GOLGA8A: variants seen among roughly 807,000 people sequenced by gnomAD.
GOLGA8A encodes the protein golgin subfamily A member 8A.
GOLGA8A carries 3 observed loss-of-function variants against 22.1 expected under a neutral mutation model. The observed-to-expected ratio is 0.14, with a 90% confidence interval of 0.06 to 0.35. The LOEUF (loss-of-function observed/expected upper bound fraction) is 0.35. Among genes scored for constraint, GOLGA8A ranks in the 10% least tolerant of loss-of-function variants. The pLI is 1.00. For missense variants in GOLGA8A, 16 were observed against 233.2 expected, an observed-to-expected ratio of 0.07 and a Z score of 6.07; for synonymous variants, 7 against 91.7, an observed-to-expected ratio of 0.08 and a Z score of 5.28.
chr15:34,415,882 G>GCC (rs1892553430), intron 2 of GOLGA8A: 1 of 98,768 alleles, frequency 1.0e-5, no homozygotes, highest in Non-Finnish European at 2.0e-5. Context: ...AGCTGCAGTG[G>GCC]AACGTCTGAG....
chr15:34,425,128 G>A lies in GOLGA8A; in HGVS notation c.-1123+10255C>T, dbSNP rs140863297. Among the ~76,000 whole-genome samples, 216 of 144,854 alleles carry A rather than the reference G, an allele frequency of 1.5e-3. 22 individuals carry two copies. The highest frequency in any genetic ancestry group is 5.1e-3 in the African/African-American group (204 of 39,908). On this transcript the variant is annotated intron_variant, in intron 2 of 24. Coordinates refer to ENST00000359187, the MANE Select transcript of GOLGA8A (RefSeq NM_181077.5). ...ATAAAATAAGGCTTATCTATTCAAAGGAATATAGGAGAAAGGTTGGCGGAG... is the reference window on the plus strand; with the variant it reads ...ATAAAATAAGGCTTATCTATTCAAAAGAATATAGGAGAAAGGTTGGCGGAG...
In GOLGA8A at chr15:34,427,019, T is replaced by TA. The variant is rs1396643012; in HGVS notation, c.-1123+8363dup. Among the ~76,000 whole-genome samples, 5 of 147,174 alleles carry TA rather than the reference T, an allele frequency of 3.4e-5. No homozygotes were observed. In the Admixed American group the frequency reaches 3.5e-4, roughly 10 times the overall value. On this transcript the variant is annotated intron_variant, in intron 2 of 24. Coordinates refer to ENST00000359187, the MANE Select transcript of GOLGA8A (RefSeq NM_181077.5). The stretch of plus-strand genomic sequence containing the variant: ...CTCAGTATTGGAGAATAAAACAAAA[T>TA]AGACAAGCACTTTAAAATTCACCAG...
In GOLGA8A at chr15:34,429,092, C is replaced by T. The variant is rs552054865; in HGVS notation, c.-1123+6291G>A. The stretch of plus-strand genomic sequence containing the variant: ...CGTCCTCACTGCACCCCTCCCCACC[C>T]CATGTCACATCTTCTGCTCATACCT... On this transcript the variant is annotated intron_variant, in intron 2 of 24. Coordinates refer to ENST00000359187, the MANE Select transcript of GOLGA8A (RefSeq NM_181077.5). 1.1e-4 allele frequency among the ~76,000 whole-genome samples: 16 copies of T among 145,228 alleles called. 2 individuals are homozygous for T. Among genetic ancestry groups the T allele is most frequent in the Non-Finnish European group, 2.0e-4 (13 of 65,786 alleles).
chr15:34,408,313 TCCACACACA>T (rs1360448015), intron 2 of GOLGA8A, among the ~76,000 whole-genome samples: 1 of 17,902 alleles, frequency 5.6e-5, no homozygotes, highest in Non-Finnish European at 1.4e-4. Flanking sequence ...TACATTACAC[TCCACACACA>T]CCACACATCA....
chr15:34,425,583 G>C (rs1294402019), intron 2 of GOLGA8A, among the ~76,000 whole-genome samples: 1 of 144,984 alleles, frequency 6.9e-6, no homozygotes, highest in South Asian at 2.4e-4. Context: ...AAGCAAGCTT[G>C]ATAGTTTTAA....
chr15:34,379,960 T>G lies in GOLGA8A; in HGVS notation c.*1451A>C, dbSNP rs1016526349. 1 of 152,688 alleles carries G rather than the reference T, an allele frequency of 6.5e-6. No homozygotes were observed. Among genetic ancestry groups the G allele is most frequent in the African/African-American group, 2.4e-5 (1 of 41,474 alleles). The allele number at this position is 152,688 out of a possible 1,614,324, so 9.5% of individuals were successfully genotyped here. Reference sequence around the variant, plus strand: ...AGAAGTTTGTGAGGAAATACAACTCTGCGATCGTATAGACATGTTTCCTGA... The same window carrying G: ...AGAAGTTTGTGAGGAAATACAACTCGGCGATCGTATAGACATGTTTCCTGA... On this transcript the variant is annotated 3_prime_UTR_variant, in exon 25 of 25. Transcript: ENST00000359187.
intron 2 of GOLGA8A, among the ~76,000 whole-genome samples, chr15:34,431,335 A>ATCTATCTATC (rs1254192860): frequency 4.3e-5 from 3 of 69,708 alleles, no homozygotes; most frequent in African/African-American, 4.1e-5. Flanking sequence ...ATATATATAT[A>ATCTATCTATC]TATATATATA....
chr15:34,400,671 C>T (rs548846798), intron 6 of GOLGA8A, 41 bp downstream of exon 6: 145 of 146,006 alleles, frequency 9.9e-4, no homozygotes, highest in Middle Eastern at 3.5e-3. Context: ...CCGTATGAAT[C>T]CATAAAGAAG....
In GOLGA8A at chr15:34,400,713, G is replaced by A. The variant is rs1268048854; in HGVS notation, c.-528C>T. Reference sequence around the variant, plus strand: ...TTAGCAAATTCAGGCAATACATACCGGATTCATACTTCAGGAAGACAACCC... The same window carrying A: ...TTAGCAAATTCAGGCAATACATACCAGATTCATACTTCAGGAAGACAACCC... On this transcript the variant is annotated splice_region_variant and 5_prime_UTR_variant, in exon 6 of 25. Coordinates refer to ENST00000359187, the MANE Select transcript of GOLGA8A (RefSeq NM_181077.5). 3.4e-5 allele frequency: 5 copies of A among 146,604 alleles called. No homozygotes were observed. The highest frequency in any genetic ancestry group is 1.9e-4 in the East Asian group (1 of 5,138). The allele number at this position is 146,604 out of a possible 1,614,324, so 9.1% of individuals were successfully genotyped here. A position where few individuals can be genotyped will look rare whatever the true frequency, so the allele number is the denominator to read the frequency against.
Position 34,380,774 on chromosome 15 carries a change from T to A in GOLGA8A, c.*637A>T, listed in dbSNP as rs1270580519. Reference sequence around the variant, plus strand: ...GCCAGAGCAGGCCACTTTCCTCTTCTGTGAGATTTAGAAAGCTCCCCCAAA... The same window carrying A: ...GCCAGAGCAGGCCACTTTCCTCTTCAGTGAGATTTAGAAAGCTCCCCCAAA... On this transcript the variant is annotated 3_prime_UTR_variant, in exon 25 of 25. Coordinates refer to ENST00000359187, the MANE Select transcript of GOLGA8A (RefSeq NM_181077.5). 1 of 183,256 alleles carries A rather than the reference T, an allele frequency of 5.5e-6. No individual in the cohort carries two copies. The highest frequency in any genetic ancestry group is 1.2e-5 in the Non-Finnish European group (1 of 86,214). 11.4% of individuals were successfully genotyped at this position (183,256 alleles called of 1,614,324 possible). A position where few individuals can be genotyped will look rare whatever the true frequency, so the allele number is the denominator to read the frequency against.
In GOLGA8A at chr15:34,436,736, G is replaced by A. The variant is rs1256608057; in HGVS notation, c.-1212+662C>T. Among the ~76,000 whole-genome samples the A allele has an allele frequency of 2.0e-5, 3 of 149,904 alleles. 1 individual carries two copies. The highest frequency in any genetic ancestry group is 4.5e-5 in the Non-Finnish European group (3 of 67,278). The stretch of plus-strand genomic sequence containing the variant: ...TGTTCTCCTTCACCATCTGCGGCCA[G>A]ATCTCCCTCCAGCAGCCTTGCCAGG... On this transcript the variant is annotated intron_variant, in intron 1 of 24. Coordinates refer to ENST00000359187, the MANE Select transcript of GOLGA8A (RefSeq NM_181077.5).
At chr15:34,385,890 AC>A in intron 12 of GOLGA8A, 112 bp from the exon 13 acceptor site, 1 of 534,430 alleles carries the variant, frequency 1.9e-6, no homozygotes, top group Non-Finnish European at 3.2e-6. Context: ...AAGTTCTCAG[AC>A]CCAATGGGAA....
Position 34,379,762 on chromosome 15 carries a change from T to C in GOLGA8A, c.*1649A>G, listed in dbSNP as rs1891386073. On this transcript the variant is annotated 3_prime_UTR_variant, in exon 25 of 25. Coordinates refer to ENST00000359187, the MANE Select transcript of GOLGA8A (RefSeq NM_181077.5). ...TGTTTTGGAACACAGACATTAGAAC[T>C]TCATGAAGTTTTAACTGTTGATTCT... 1 of 152,646 alleles carries C rather than the reference T, an allele frequency of 6.6e-6. No individual in the cohort carries two copies. Among genetic ancestry groups the C allele is most frequent in the Non-Finnish European group, 1.5e-5 (1 of 68,040 alleles). 9.5% of individuals were successfully genotyped at this position (152,646 alleles called of 1,614,324 possible). A position where few individuals can be genotyped will look rare whatever the true frequency, so the allele number is the denominator to read the frequency against.
chr15:34,431,398 T>C (rs1893247569), intron 2 of GOLGA8A, among the ~76,000 whole-genome samples: 1 of 143,486 alleles, frequency 7.0e-6, no homozygotes, highest in Admixed American at 7.2e-5. Context: ...TATGTATATA[T>C]ATATCACACA....
chr15:34,433,174 G>A (rs1359890202), intron 2 of GOLGA8A, among the ~76,000 whole-genome samples: 3 of 148,456 alleles, frequency 2.0e-5, no homozygotes, highest in Non-Finnish European at 3.0e-5. Context: ...CAGGACACAC[G>A]CAGGAGAGAG....
chr15:34,431,227 T>C (rs1394910168), intron 2 of GOLGA8A, among the ~76,000 whole-genome samples: 1 of 143,982 alleles, frequency 6.9e-6, no homozygotes, highest in Non-Finnish European at 1.5e-5. Context: ...GAGGAATTCA[T>C]ATTTAGAGCT....
chr15:34,436,730 C>T (rs1298093225), intron 1 of GOLGA8A, among the ~76,000 whole-genome samples: 1 of 149,850 alleles, frequency 6.7e-6, no homozygotes, highest in Non-Finnish European at 1.5e-5. Context: ...TCACCATCTG[C>T]GGCCAGATCT....
At chr15:34,398,172 T>C (rs546657570) in intron 8 of GOLGA8A, among the ~76,000 whole-genome samples, 2 of 143,444 alleles carry the variant, frequency 1.4e-5, no homozygotes, top group East Asian at 2.0e-4. Flanking sequence ...AGGTTAAGCC[T>C]GCGTTTCATG....
intron 2 of GOLGA8A, among the ~76,000 whole-genome samples, chr15:34,431,499 G>A (rs977281246): frequency 2.0e-5 from 3 of 147,502 alleles, no homozygotes; most frequent in Non-Finnish European, 4.5e-5. Context: ...TAGAACATAC[G>A]TTATACAAAC....
Sources: gnomAD v4.1 joint callset for allele counts (sites outside exome capture counted in the v4.1 genomes callset) on GRCh38, gnomAD v4.1.1 for gene constraint, MANE v1.5 for transcripts, NCBI Gene and HGNC (gene_info 2026-07-23, HGNC 2026-07-21) for gene names.